JAZF1: variants seen among roughly 807,000 people sequenced by gnomAD.
JAZF1 encodes JAZF zinc finger 1, also known as juxtaposed with another zinc finger protein 1.
In JAZF1, 8 loss-of-function variants were observed where a neutral mutation model predicts 26.4. That is an observed-to-expected ratio of 0.30 (90% CI 0.18 to 0.55). The LOEUF is 0.55. Ranked by LOEUF, JAZF1 falls within the 20% of genes least tolerant of loss-of-function variation. JAZF1 has a pLI of 0.94. For missense variants in JAZF1, 199 were observed against 322.0 expected (o/e 0.62, Z 2.92); for synonymous variants, 126 against 122.3 (o/e 1.03, Z -0.20).
intron 1 of JAZF1, among the ~76,000 whole-genome samples, chr7:28,079,365 C>A (rs769326806): frequency 6.6e-6 from 1 of 152,188 alleles, no homozygotes; most frequent in Non-Finnish European, 1.5e-5. Flanking sequence ...ACCACCTTCA[C>A]TTGGAGCTGC....
chr7:28,040,244 C>A (rs1485106720), intron 1 of JAZF1, among the ~76,000 whole-genome samples: 1 of 152,082 alleles, frequency 6.6e-6, no homozygotes, highest in African/African-American at 2.4e-5. Context: ...TTTTTTTATT[C>A]ATTCATTCAC....
chr7:28,090,816 TG>T lies in JAZF1; in HGVS notation c.115+89646del, dbSNP rs577619497. 2.3e-3 allele frequency among the ~76,000 whole-genome samples: 333 copies of T among 144,506 alleles called. 4 individuals carry two copies. The highest frequency in any genetic ancestry group is 8.2e-3 in the African/African-American group (313 of 38,132). The allele number at this position is 144,506 out of a possible 152,430, so 94.8% of individuals were successfully genotyped here. ...TCTATTCCACAGACTTTTTTTTAGT[TG>T]TTTTTTTTTTTTTTTTTTTTGAGAC... On this transcript the variant is annotated intron_variant, in intron 1 of 4. Transcript: ENST00000283928.
At chr7:28,034,252 G>A (rs1305447824) in intron 1 of JAZF1, among the ~76,000 whole-genome samples, 1 of 149,546 alleles carries the variant, frequency 6.7e-6, no homozygotes, top group Non-Finnish European at 1.5e-5. Flanking sequence ...AGCAATTTGA[G>A]TCAAAGGAAC....
chr7:28,042,922 G>C (rs1783418602), intron 1 of JAZF1, among the ~76,000 whole-genome samples: 1 of 152,116 alleles, frequency 6.6e-6, no homozygotes, highest in Non-Finnish European at 1.5e-5. Flanking sequence ...GCATTTCTCA[G>C]AACATAGTTT....
At chr7:27,856,622 T>C (rs1783260557) in intron 3 of JAZF1, among the ~76,000 whole-genome samples, 1 of 152,194 alleles carries the variant, frequency 6.6e-6, no homozygotes, top group Non-Finnish European at 1.5e-5. Flanking sequence ...ATCCCTTAGC[T>C]AGACACAAAA....
intron 3 of JAZF1, among the ~76,000 whole-genome samples, chr7:27,877,225 C>CA (rs1783694145): frequency 6.6e-6 from 1 of 152,124 alleles, no homozygotes; most frequent in Admixed American, 6.5e-5. Flanking sequence ...TGGTGGAGAA[C>CA]AAAAAATGAA....
intron 2 of JAZF1, among the ~76,000 whole-genome samples, chr7:27,977,388 C>T (rs1785494914): frequency 6.6e-6 from 1 of 152,200 alleles, no homozygotes; most frequent in African/African-American, 2.4e-5. Flanking sequence ...CTCTGACAAT[C>T]TTATGTGGGT....
intron 1 of JAZF1, among the ~76,000 whole-genome samples, chr7:28,067,827 C>T (rs1315050447): frequency 6.6e-6 from 1 of 152,144 alleles, no homozygotes. Context: ...CTAATCAGTG[C>T]CGAGGCGAGG....
intron 1 of JAZF1, among the ~76,000 whole-genome samples, chr7:28,089,358 A>G (rs1408944180): frequency 6.6e-6 from 1 of 152,208 alleles, no homozygotes; most frequent in Non-Finnish European, 1.5e-5. Context: ...ACCAGACCCA[A>G]TTATGCTAGC....
At chr7:28,087,015 A>T (rs1227346115) in intron 1 of JAZF1, among the ~76,000 whole-genome samples, 1 of 152,220 alleles carries the variant, frequency 6.6e-6, no homozygotes, top group Non-Finnish European at 1.5e-5. Context: ...TCTGTAACTC[A>T]TACTAATCAA....
At position 27,845,711 on chromosome 7, in the gene JAZF1, A is replaced by AGAAAG. The variant is rs532325830; in HGVS notation, c.386-4845_386-4844insCTTTC. ...GACTCTGCCTCAAAAAAAAAAAAAA[A>AGAAAG]AAAGAAAAGAAAAAGAAAAAGAAAT... On this transcript the variant is annotated intron_variant, in intron 3 of 4. Coordinates refer to ENST00000283928, the MANE Select transcript of JAZF1 (RefSeq NM_175061.4). Among the ~76,000 whole-genome samples, 90 of 137,696 alleles carry AGAAAG rather than the reference A, an allele frequency of 6.5e-4. 2 individuals carry two copies. Among genetic ancestry groups the AGAAAG allele is most frequent in the African/African-American group, 1.0e-3 (37 of 35,474 alleles). 90.3% of individuals were successfully genotyped at this position (137,696 alleles called of 152,430 possible).
intron 1 of JAZF1, among the ~76,000 whole-genome samples, chr7:28,106,697 A>G (rs1000464679): frequency 3.9e-5 from 6 of 152,214 alleles, no homozygotes; most frequent in Non-Finnish European, 8.8e-5. Flanking sequence ...AATTTTAAAC[A>G]AACCAGTGAG....
chr7:28,117,268 C>T (rs6977955), intron 1 of JAZF1, among the ~76,000 whole-genome samples: 49,467 of 151,748 alleles, frequency 0.33, 9,837 homozygotes, highest in East Asian at 0.75. Flanking sequence ...CTGCTGGATT[C>T]TGATTCACGG....
intron 4 of JAZF1, among the ~76,000 whole-genome samples, chr7:27,839,418 G>A (rs558238711): frequency 3.9e-5 from 6 of 152,320 alleles, no homozygotes; most frequent in African/African-American, 7.2e-5. Context: ...GCAATGAAGC[G>A]CTGCCCTCTG....
At chr7:27,972,945 G>GCA (rs1209239829) in intron 2 of JAZF1, among the ~76,000 whole-genome samples, 5 of 123,716 alleles carry the variant, frequency 4.0e-5, no homozygotes, top group African/African-American at 1.3e-4. Context: ...ATATGTGTGT[G>GCA]TATATATACA....
At chr7:28,155,414 T>A (rs995963146) in intron 1 of JAZF1, among the ~76,000 whole-genome samples, 1 of 152,176 alleles carries the variant, frequency 6.6e-6, no homozygotes, top group African/African-American at 2.4e-5. Context: ...AATACATCAC[T>A]CTTCTGATAG....
At chr7:28,106,834 CA>C (rs1784560941) in intron 1 of JAZF1, among the ~76,000 whole-genome samples, 1 of 152,202 alleles carries the variant, frequency 6.6e-6, no homozygotes, top group Non-Finnish European at 1.5e-5. Flanking sequence ...AGAGACACAG[CA>C]TTCCACTGAC....
intron 3 of JAZF1, among the ~76,000 whole-genome samples, chr7:27,857,316 G>T (rs557933003): frequency 2.0e-5 from 3 of 152,196 alleles, no homozygotes; most frequent in Admixed American, 6.5e-5. Context: ...TGCGGGGACC[G>T]CCGAGCCCAC....
chr7:28,013,362 A>C (rs749965165), intron 1 of JAZF1, among the ~76,000 whole-genome samples: 1 of 152,212 alleles, frequency 6.6e-6, no homozygotes, highest in East Asian at 1.9e-4. Context: ...TGATTAAAGA[A>C]GACAGTGGGA....
Sources: gnomAD v4.1 joint callset for allele counts (sites outside exome capture counted in the v4.1 genomes callset) on GRCh38, gnomAD v4.1.1 for gene constraint, MANE v1.5 for transcripts, NCBI Gene and HGNC (gene_info 2026-07-23, HGNC 2026-07-21) for gene names.